Variants in JAK1 observed in about 807,000 individuals in gnomAD.
JAK1 encodes Janus kinase 1, also known as tyrosine-protein kinase JAK1.
Under a neutral mutation model 136.6 loss-of-function variants are expected in JAK1, and 16 were observed. The observed-to-expected ratio is 0.12, with a 90% CI of 0.08 to 0.18. The LOEUF (loss-of-function observed/expected upper bound fraction) is 0.18, where lower values mean the gene tolerates loss of function less well. Ranked by LOEUF, JAK1 falls within the 10% of genes least tolerant of loss-of-function variation. The probability of loss-of-function intolerance (pLI) is 1.00; values close to 1 mark genes in which losing one functional copy is unlikely to be tolerated. For missense variants in JAK1, 859 were observed against 1,450.1 expected, an observed-to-expected ratio of 0.59 and a Z score of 6.62; for synonymous variants, 492 against 519.5, an observed-to-expected ratio of 0.95 and a Z score of 0.72.
intron 1 of JAK1, among the ~76,000 whole-genome samples, chr1:64,944,448 T>C (rs907133986): frequency 6.6e-6 from 1 of 152,160 alleles, no homozygotes; most frequent in Non-Finnish European, 1.5e-5. Context: ...CTAATTCCTG[T>C]ATGTTATTAT....
intron 1 of JAK1, among the ~76,000 whole-genome samples, chr1:64,943,534 ATAAAAT>A (rs1335725843): frequency 6.6e-6 from 1 of 152,262 alleles, no homozygotes; most frequent in Non-Finnish European, 1.5e-5. Context: ...AGAGAAAATA[ATAAAAT>A]TAGAATCCCT....
At chr1:64,929,099 T>C (rs1249085093) in intron 1 of JAK1, among the ~76,000 whole-genome samples, 3 of 152,244 alleles carry the variant, frequency 2.0e-5, no homozygotes, top group Non-Finnish European at 4.4e-5. Flanking sequence ...CAAGCAAGTA[T>C]ACTGCTATAG....
chr1:65,052,676 T>C (rs1647334052), intron 1 of JAK1, among the ~76,000 whole-genome samples: 1 of 151,192 alleles, frequency 6.6e-6, no homozygotes, highest in Non-Finnish European at 1.5e-5. Context: ...TAGCCGGGTG[T>C]GGTGGTGGGT....
chr1:64,977,913 T>G (rs1362833478), intron 2 of JAK1, among the ~76,000 whole-genome samples: 1 of 152,164 alleles, frequency 6.6e-6, no homozygotes, highest in Non-Finnish European at 1.5e-5. Flanking sequence ...CATCGGTAAG[T>G]AAGGATGATA....
rs150123668 is a variant in JAK1, at chr1:64,843,576, G to A, written c.2403+488C>T. ...GTGACACTTTCAGGTATTCTTTCTG[G>A]AATTCTTACCGTTGTTATTTTAGCC... On this transcript the variant is annotated intron_variant, in intron 17 of 24. Transcript: ENST00000342505. Among the ~76,000 whole-genome samples the A allele has an allele frequency of 8.5e-3, 1,295 of 152,140 alleles. 39 individuals carry two copies. Among genetic ancestry groups the A allele is most frequent in the East Asian group, 0.046 (237 of 5,174 alleles).
In JAK1 at chr1:64,960,404, T is replaced by C. The variant is rs548126473; in HGVS notation, c.-78+5929A>G. On this transcript the variant is annotated intron_variant, in intron 1 of 24. Coordinates refer to ENST00000342505, the MANE Select transcript of JAK1 (RefSeq NM_002227.4). Reference sequence around the variant, plus strand: ...CTTGCTTGCAAACTCACAGCTAGGATCAAATCATACAGTGTAGATCCAGAG... The same window carrying C: ...CTTGCTTGCAAACTCACAGCTAGGACCAAATCATACAGTGTAGATCCAGAG... Among the ~76,000 whole-genome samples, 147 of 152,228 alleles carry C rather than the reference T, an allele frequency of 9.7e-4. 1 individual carries two copies. The highest frequency in any genetic ancestry group is 3.4e-4 in the Non-Finnish European group (23 of 68,020).
chr1:64,985,400 G>A (rs763830866), intron 2 of JAK1: 542 of 1,610,378 alleles, frequency 3.4e-4, no homozygotes, highest in Non-Finnish European at 4.4e-4. Context: ...ATACATCCTG[G>A]GTGCCCCACA....
chr1:65,065,402 G>T (rs565685688), intron 1 of JAK1, among the ~76,000 whole-genome samples: 1 of 152,148 alleles, frequency 6.6e-6, no homozygotes, highest in East Asian at 1.9e-4. Flanking sequence ...TCTAATAAAT[G>T]AAAAGACTGA....
intron 2 of JAK1, among the ~76,000 whole-genome samples, chr1:65,032,080 C>T (rs1348696442): frequency 1.3e-5 from 2 of 151,708 alleles, no homozygotes; most frequent in African/African-American, 4.8e-5. Context: ...ATTCTCCTGC[C>T]TCAGTTTCCC....
chr1:64,837,837 A>G, intron 22 of JAK1, 95 bp downstream of exon 22: 3 of 1,038,666 alleles, frequency 2.9e-6, no homozygotes, highest in Non-Finnish European at 4.2e-6. Context: ...GTCAGGCCAG[A>G]GGAATGAGAC....
intron 2 of JAK1, among the ~76,000 whole-genome samples, chr1:65,029,437 A>T (rs796101423): frequency 3.7e-4 from 56 of 152,266 alleles, no homozygotes; most frequent in African/African-American, 1.3e-3. Flanking sequence ...CAGAAATACC[A>T]TTTGACCCAG....
At chr1:65,067,676 G>T (rs936594438) in exon 1 of JAK1, 5 of 150,308 alleles carry the variant, frequency 3.3e-5, no homozygotes, top group African/African-American at 9.7e-5. Flanking sequence ...ATCTAATGAC[G>T]CAGCAAGGCT....
chr1:64,978,156 T>C (rs1289181369), intron 2 of JAK1, among the ~76,000 whole-genome samples: 1 of 152,122 alleles, frequency 6.6e-6, no homozygotes, highest in African/African-American at 2.4e-5. Flanking sequence ...TGCGCGCCTG[T>C]AGTCCCAGCT....
intron 1 of JAK1, among the ~76,000 whole-genome samples, chr1:64,901,187 C>A (rs1241997405): frequency 6.6e-6 from 1 of 152,198 alleles, no homozygotes; most frequent in Admixed American, 6.5e-5. Flanking sequence ...GTGTAAGAAG[C>A]AAATGTTTAA....
chr1:64,988,178 A>C (rs1472455083), intron 2 of JAK1, among the ~76,000 whole-genome samples: 1 of 152,198 alleles, frequency 6.6e-6, no homozygotes, highest in Admixed American at 6.5e-5. Context: ...CAAACACTAA[A>C]AATCAGGGTT....
intron 12 of JAK1, among the ~76,000 whole-genome samples, chr1:64,850,023 G>A (rs1328429479): frequency 6.6e-6 from 1 of 152,108 alleles, no homozygotes; most frequent in African/African-American, 2.4e-5. Flanking sequence ...CTCTCCCCAG[G>A]CTCCTTCACA....
Position 64,886,228 on chromosome 1 carries a change from T to C in JAK1, c.6+31A>G, listed in dbSNP as rs370503798. On this transcript the variant is annotated intron_variant, in intron 2 of 24. Coordinates refer to ENST00000342505, the MANE Select transcript of JAK1 (RefSeq NM_002227.4). ...TCAATTTTTTTAAAGCCAGATATTTTCCTTTTTTAAAAATATGCAAATCTA... is the reference window on the plus strand; with the variant it reads ...TCAATTTTTTTAAAGCCAGATATTTCCCTTTTTTAAAAATATGCAAATCTA... The C allele has an allele frequency of 6.3e-6, 9 of 1,434,456 alleles. No homozygotes were observed. In the African/African-American group the frequency reaches 1.1e-4, roughly 18 times the overall value. 88.9% of individuals were successfully genotyped at this position (1,434,456 alleles called of 1,614,324 possible).
chr1:64,935,589 C>T (rs557600226), intron 1 of JAK1, among the ~76,000 whole-genome samples: 11 of 152,330 alleles, frequency 7.2e-5, no homozygotes, highest in African/African-American at 2.6e-4. Context: ...GCGTGAGCCA[C>T]CGCACCCAGC....
In JAK1 at chr1:64,847,725, T is replaced by C. The variant is rs374296599; in HGVS notation, c.1756-50A>G. 10 of 1,594,936 alleles carry C rather than the reference T, an allele frequency of 6.3e-6. No homozygotes were observed. In the African/African-American group the frequency reaches 1.2e-4, roughly 19 times the overall value. On this transcript the variant is annotated intron_variant, in intron 12 of 24. Coordinates refer to ENST00000342505, the MANE Select transcript of JAK1 (RefSeq NM_002227.4). ...GTGACCTCTCTGTGCCCTGAAGTGA[T>C]GGACCGTCTGGGAATGGGTCCTCAA...
Sources: gnomAD v4.1 joint callset for allele counts (sites outside exome capture counted in the v4.1 genomes callset) on GRCh38, gnomAD v4.1.1 for gene constraint, MANE v1.5 for transcripts, NCBI Gene and HGNC (gene_info 2026-07-23, HGNC 2026-07-21) for gene names.